The following WFDC8 variants were observed in gnomAD, a reference collection of about 807,000 sequenced individuals.
The protein encoded by WFDC8 is WAP four-disulfide core domain protein 8.
A neutral mutation model predicts 27.0 loss-of-function variants in WFDC8; 24 were observed. The ratio of observed to expected loss-of-function variants is 0.89; its 90% CI spans 0.64 to 1.25. The LOEUF is 1.25. WFDC8 is among the 50% of genes most tolerant of loss of function. The pLI is 0.00. For synonymous variants in WFDC8, 106 were observed against 99.7 expected, an observed-to-expected ratio of 1.06 and a Z score of -0.38; for missense variants, 287 against 295.9, an observed-to-expected ratio of 0.97 and a Z score of 0.22.
intron 3 of WFDC8, among the ~76,000 whole-genome samples, chr20:45,556,741 A>AAT (rs1555885462): frequency 6.6e-6 from 1 of 152,206 alleles, no homozygotes; most frequent in African/African-American, 2.4e-5. Flanking sequence ...AAATTAAAAA[A>AAT]ATATATATTG....
intron 1 of WFDC8, among the ~76,000 whole-genome samples, chr20:45,564,606 A>G (rs1199474841): frequency 1.3e-5 from 2 of 151,548 alleles, no homozygotes; most frequent in Non-Finnish European, 2.9e-5. Flanking sequence ...CCCGGGAGGC[A>G]GAGCTTTCAG....
intron 1 of WFDC8, among the ~76,000 whole-genome samples, chr20:45,576,260 A>G (rs984864706): frequency 2.0e-5 from 3 of 151,516 alleles, no homozygotes; most frequent in Non-Finnish European, 4.4e-5. Flanking sequence ...ATTTATGCCT[A>G]TAATGATGTC....
intron 1 of WFDC8, among the ~76,000 whole-genome samples, chr20:45,563,633 T>C (rs940309944): frequency 6.6e-6 from 1 of 152,258 alleles, no homozygotes; most frequent in East Asian, 1.9e-4. Flanking sequence ...ATGGCAATAG[T>C]GAATGCCAAC....
chr20:45,561,896 A>T (rs6032328), intron 2 of WFDC8, among the ~76,000 whole-genome samples: 2 of 151,592 alleles, frequency 1.3e-5, no homozygotes, highest in African/African-American at 4.8e-5. Context: ...GTCTCCTTAC[A>T]TATATAAAAA....
chr20:45,574,829 A>G (rs186378816), intron 1 of WFDC8, among the ~76,000 whole-genome samples: 161 of 152,326 alleles, frequency 1.1e-3, no homozygotes, highest in Non-Finnish European at 1.6e-3. Context: ...ATCATTTACC[A>G]TGATCAAGTG....
At chr20:45,556,712 G>GT (rs1208821939) in intron 3 of WFDC8, among the ~76,000 whole-genome samples, 1 of 152,156 alleles carries the variant, frequency 6.6e-6, no homozygotes, top group East Asian at 1.9e-4. Flanking sequence ...CGATAGGTGG[G>GT]TGCCTCATGA....
In WFDC8 at chr20:45,579,234, C is replaced by T. The variant is rs373025670; in HGVS notation, c.14G>A (p.Arg5Gln). 1.4e-5 allele frequency: 22 copies of T among 1,613,922 alleles called. No individual in the cohort carries two copies. Among genetic ancestry groups the T allele is most frequent in the East Asian group, 6.7e-5 (3 of 44,854 alleles). ...ACACCCTCCTCACCCTCCTTCAGTT[C>T]GGACAGTCCACATCAGGCCTCTTCC... The part of the protein sequence containing the change: MWTV[R>Q]TEGGHFPLHS... The change falls in exon 1 of 6, where the codon CGA becomes CAA. Residue 5 changes from arginine (R) to glutamine (Q), a missense_variant. Arg to Gln is a conservative substitution (Grantham distance 43). Transcript: ENST00000289953.
chr20:45,566,110 C>T (rs4810456), intron 1 of WFDC8, among the ~76,000 whole-genome samples: 58,131 of 151,798 alleles, frequency 0.38, 11,580 homozygotes, highest in Non-Finnish European at 0.43. Context: ...TAACTAATCA[C>T]ATTATTAATC....
intron 3 of WFDC8, 21 bp downstream of exon 3, chr20:45,558,831 C>A: frequency 6.2e-7 from 1 of 1,613,732 alleles, no homozygotes; most frequent in Non-Finnish European, 8.5e-7. Context: ...GAACCTCTGT[C>A]CTCAGCCTGG....
intron 1 of WFDC8, among the ~76,000 whole-genome samples, chr20:45,565,129 A>G (rs1980633534): frequency 6.7e-6 from 1 of 149,096 alleles, no homozygotes; most frequent in African/African-American, 2.5e-5. Context: ...AGAAGGAAGG[A>G]AGGAAGGGAA....
chr20:45,576,781 T>C (rs1045869813), intron 1 of WFDC8, among the ~76,000 whole-genome samples: 2 of 151,536 alleles, frequency 1.3e-5, no homozygotes, highest in Non-Finnish European at 3.0e-5. Flanking sequence ...TCCATTCTTT[T>C]GCGTTCAACC....
intron 1 of WFDC8, among the ~76,000 whole-genome samples, chr20:45,574,152 A>G (rs902656027): frequency 2.6e-5 from 4 of 152,192 alleles, no homozygotes; most frequent in African/African-American, 9.6e-5. Flanking sequence ...ATCTACCAAA[A>G]CTGAATCATG....
chr20:45,559,128 A>T (rs566576943), intron 2 of WFDC8, 136 bp from the exon 3 acceptor site: 4 of 1,089,304 alleles, frequency 3.7e-6, no homozygotes, highest in Non-Finnish European at 5.3e-6. Flanking sequence ...GCTTATATTC[A>T]GGGGCTAGTT....
At chr20:45,557,215 C>T (rs968163495) in intron 3 of WFDC8, among the ~76,000 whole-genome samples, 5 of 152,140 alleles carry the variant, frequency 3.3e-5, no homozygotes, top group Admixed American at 6.5e-5. Context: ...TCTTGCCAAC[C>T]GACTACCACT....
Position 45,555,804 on chromosome 20 carries a change from G to C in WFDC8, c.342C>G (p.Asp114Glu), listed in dbSNP as rs1394673095. 1.9e-5 allele frequency: 31 copies of C among 1,613,866 alleles called. No individual in the cohort carries two copies. Among genetic ancestry groups the C allele is most frequent in the Non-Finnish European group, 2.5e-5 (30 of 1,180,012 alleles). ...CNHEAQRWHF[D>E]FKNYRCTPFK... ...AGGGTGTGCAGCGGTAATTTTTAAA[G>C]TCAAAATGCCAGCGCTGTGCCTCAT... Residue 114 changes from aspartate (D) to glutamate (E), a missense_variant, in exon 4 of 6, where the codon GAC (aspartate) becomes GAG (glutamate). Asp to Glu is a conservative substitution (Grantham distance 45). Transcript: ENST00000289953.
At chr20:45,565,535 T>C (rs1295083419) in intron 1 of WFDC8, among the ~76,000 whole-genome samples, 1 of 152,240 alleles carries the variant, frequency 6.6e-6, no homozygotes, top group East Asian at 1.9e-4. Flanking sequence ...AAAAAAAGCA[T>C]ACTTCTTACA....
intron 1 of WFDC8, among the ~76,000 whole-genome samples, chr20:45,564,964 GGAAA>G (rs1362334969): frequency 1.8e-5 from 1 of 54,994 alleles, no homozygotes; most frequent in Non-Finnish European, 4.6e-5. Flanking sequence ...AAGGAAGGAA[GGAAA>G]GAAAGACAAA....
At chr20:45,566,213 A>G (rs529232341) in intron 1 of WFDC8, among the ~76,000 whole-genome samples, 2,132 of 152,294 alleles carry the variant, frequency 0.014, 92 homozygotes, top group Admixed American at 0.098. Context: ...CCAGCTAAAA[A>G]AACAAATCCT....
chr20:45,570,081 G>A (rs1413074402), intron 1 of WFDC8, among the ~76,000 whole-genome samples: 1 of 152,022 alleles, frequency 6.6e-6, no homozygotes, highest in Non-Finnish European at 1.5e-5. Flanking sequence ...AATAACTAAT[G>A]AGTACTAGGC....
Sources: gnomAD v4.1 joint callset for allele counts (sites outside exome capture counted in the v4.1 genomes callset) on GRCh38, gnomAD v4.1.1 for gene constraint, MANE v1.5 for transcripts, NCBI Gene and HGNC (gene_info 2026-07-23, HGNC 2026-07-21) for gene names.